The following MGAT4C variants were observed in gnomAD, a reference collection of about 807,000 sequenced individuals.
The protein encoded by MGAT4C is MGAT4 family member C, also known as alpha-1,3-mannosyl-glycoprotein 4-beta-N-acetylglucosaminyltransferase C.
In MGAT4C, 19 loss-of-function variants were observed where a neutral mutation model predicts 40.1. The ratio of observed to expected loss-of-function variants is 0.47; its 90% CI spans 0.33 to 0.70. The LOEUF (loss-of-function observed/expected upper bound fraction) is 0.70. MGAT4C is among the 30% of genes least tolerant of loss of function. The pLI, the probability that MGAT4C is intolerant of heterozygous loss-of-function variation, is 0.02. For synonymous variants in MGAT4C, 181 were observed against 187.1 expected (o/e 0.97, Z 0.27); for missense variants, 491 against 563.2 (o/e 0.87, Z 1.30).
intron 2 of MGAT4C, among the ~76,000 whole-genome samples, chr12:86,672,243 T>C (rs895161782): frequency 6.6e-6 from 1 of 151,952 alleles, no homozygotes; most frequent in African/African-American, 2.4e-5. Context: ...CAAATGATAA[T>C]GGAAACACAC....
At chr12:86,628,102 C>T (rs905219896) in intron 2 of MGAT4C, among the ~76,000 whole-genome samples, 2 of 152,070 alleles carry the variant, frequency 1.3e-5, no homozygotes, top group Non-Finnish European at 2.9e-5. Context: ...GACACATGCA[C>T]AAGCTTCAGT....
intron 1 of MGAT4C, among the ~76,000 whole-genome samples, chr12:86,079,364 T>A (rs114350594): frequency 0.015 from 2,237 of 152,298 alleles, 65 homozygotes; most frequent in African/African-American, 0.051. Context: ...TAAGAGTTGT[T>A]CCTAGATATA....
chr12:86,749,360 A>C (rs2136139472), intron 1 of MGAT4C, among the ~76,000 whole-genome samples: 1 of 151,796 alleles, frequency 6.6e-6, no homozygotes, highest in East Asian at 1.9e-4. Flanking sequence ...AATTTGCATA[A>C]AATACATAGA....
chr12:86,446,342 G>A (rs954852508), intron 2 of MGAT4C, among the ~76,000 whole-genome samples: 7 of 151,656 alleles, frequency 4.6e-5, no homozygotes, highest in African/African-American at 1.7e-4. Context: ...AATTGGCATT[G>A]GTAAAGTATA....
At chr12:86,334,401 A>G (rs1954739986) in intron 3 of MGAT4C, among the ~76,000 whole-genome samples, 1 of 152,112 alleles carries the variant, frequency 6.6e-6, no homozygotes, top group Admixed American at 6.6e-5. Context: ...CTCCATAAAC[A>G]TGCAAAATGG....
At position 86,727,212 on chromosome 12, in the gene MGAT4C, T is replaced by C. The variant is rs182485842; in HGVS notation, c.-232A>G. ...TAAAATAGTATATAGTACTTACCCA[T>C]CCAAGTAGAATGTAACAGCAGCTGA... On this transcript the variant is annotated 5_prime_UTR_variant, in exon 2 of 8. Coordinates refer to the MGAT4C transcript ENST00000548651. 2.0e-5 allele frequency: 3 copies of C among 152,128 alleles called. No individual in the cohort carries two copies. The East Asian group carries it at 5.8e-4, about 29-fold the overall frequency. 9.4% of individuals were successfully genotyped at this position (152,128 alleles called of 1,614,324 possible). A position where few individuals can be genotyped will look rare whatever the true frequency, so the allele number is the denominator to read the frequency against.
At chr12:86,786,126 C>A (rs1268912997) in intron 1 of MGAT4C, among the ~76,000 whole-genome samples, 1 of 151,944 alleles carries the variant, frequency 6.6e-6, no homozygotes, top group Non-Finnish European at 1.5e-5. Flanking sequence ...AGAACTAAAA[C>A]ATTATTATTG....
intron 2 of MGAT4C, among the ~76,000 whole-genome samples, chr12:86,534,815 T>G (rs568972110): frequency 6.6e-6 from 1 of 152,246 alleles, no homozygotes; most frequent in African/African-American, 2.4e-5. Context: ...TGCCCCTGTT[T>G]TGTTATGAAG....
chr12:86,788,959 A>G (rs1951979162), intron 1 of MGAT4C, among the ~76,000 whole-genome samples: 1 of 152,118 alleles, frequency 6.6e-6, no homozygotes, highest in Non-Finnish European at 1.5e-5. Flanking sequence ...ATTTCTGGAG[A>G]GCATGAAGAA....
chr12:86,054,310 C>A (rs922017168), intron 1 of MGAT4C, among the ~76,000 whole-genome samples: 4 of 152,008 alleles, frequency 2.6e-5, no homozygotes, highest in Middle Eastern at 3.4e-3. Context: ...GTGAATTAAA[C>A]CAAGCACAAA....
chr12:86,289,813 T>G (rs1953459184), intron 4 of MGAT4C, among the ~76,000 whole-genome samples: 1 of 152,106 alleles, frequency 6.6e-6, no homozygotes, highest in African/African-American at 2.4e-5. Flanking sequence ...AAATTTTAGG[T>G]TTTTACTGTT....
chr12:86,833,647 T>G (rs188062908), intron 1 of MGAT4C, among the ~76,000 whole-genome samples: 1 of 152,032 alleles, frequency 6.6e-6, no homozygotes. Flanking sequence ...ATTCCCTCAT[T>G]AATGAACCCA....
At chr12:86,159,490 T>C (rs1017248819) in intron 1 of MGAT4C, among the ~76,000 whole-genome samples, 3 of 152,052 alleles carry the variant, frequency 2.0e-5, no homozygotes, top group Non-Finnish European at 1.5e-5. Context: ...GCTTTCTTTT[T>C]TCATTGTGTC....
chr12:86,229,767 T>C (rs1377427379), intron 1 of MGAT4C, among the ~76,000 whole-genome samples: 1 of 152,038 alleles, frequency 6.6e-6, no homozygotes, highest in East Asian at 1.9e-4. Context: ...TCATGGTGAA[T>C]GTGATGACGA....
intron 2 of MGAT4C, among the ~76,000 whole-genome samples, chr12:86,528,128 A>C (rs2136369073): frequency 6.6e-6 from 1 of 152,282 alleles, no homozygotes; most frequent in Admixed American, 6.5e-5. Context: ...TTTCTATAAA[A>C]CATTAACTTT....
chr12:86,446,658 CATATATATATATATATATATATATAT>C (rs34157468), intron 2 of MGAT4C, among the ~76,000 whole-genome samples: 407 of 35,346 alleles, frequency 0.012, 22 homozygotes, highest in African/African-American at 0.035. Context: ...TCATGTAACT[CATATATATATATATATATATATATAT>C]ATATATATAT....
chr12:86,450,592 C>T (rs777763523), intron 2 of MGAT4C, among the ~76,000 whole-genome samples: 10 of 151,922 alleles, frequency 6.6e-5, no homozygotes, highest in Non-Finnish European at 1.2e-4. Flanking sequence ...ATCAAAGTAA[C>T]GACTATATCT....
chr12:85,956,975 T>C lies in MGAT4C; in HGVS notation c.*22314A>G, dbSNP rs1434663120. The C allele has an allele frequency of 1.3e-5, 2 of 152,194 alleles. No homozygotes were observed. Among genetic ancestry groups the C allele is most frequent in the Non-Finnish European group, 2.9e-5 (2 of 68,030 alleles). 9.4% of individuals were successfully genotyped at this position (152,194 alleles called of 1,614,324 possible). On this transcript the variant is annotated 3_prime_UTR_variant, in exon 5 of 5. Coordinates refer to ENST00000611864, the MANE Select transcript of MGAT4C (RefSeq NM_001351288.2). ...GTTACAAAACTGTTCAGTGGTGGTC[T>C]TCCTATTGTAACAGCTGATTTCATG...
At chr12:86,646,160 A>G (rs919955043) in intron 2 of MGAT4C, among the ~76,000 whole-genome samples, 1 of 151,842 alleles carries the variant, frequency 6.6e-6, no homozygotes, top group African/African-American at 2.4e-5. Context: ...GCAAATTTGG[A>G]AAAAAGTGAG....
Sources: allele counts gnomAD v4.1 joint callset (sites outside exome capture counted in the v4.1 genomes callset), GRCh38; gene constraint gnomAD v4.1.1; transcripts MANE v1.5; gene names NCBI Gene and HGNC (gene_info 2026-07-23, HGNC 2026-07-21).